OSBPL11: variants seen among roughly 807,000 people sequenced by gnomAD.
OSBPL11 encodes the protein oxysterol-binding protein-related protein 11.
Under a neutral mutation model 84.4 loss-of-function variants are expected in OSBPL11, and 33 were observed. The observed-to-expected ratio is 0.39, with a 90% CI of 0.30 to 0.52. The LOEUF (loss-of-function observed/expected upper bound fraction) is 0.52, where lower values mean the gene tolerates loss of function less well. Ranked by LOEUF, OSBPL11 falls within the 20% of genes least tolerant of loss-of-function variation. The pLI, the probability that OSBPL11 is intolerant of heterozygous loss-of-function variation, is 0.72. For synonymous variants in OSBPL11, 276 were observed against 310.2 expected (o/e 0.89, Z 1.16); for missense variants, 736 against 901.1 (o/e 0.82, Z 2.35).
chr3:125,537,833 GCTGTACCTTATTAA>G (rs1409563997), intron 11 of OSBPL11, among the ~76,000 whole-genome samples: 3 of 152,124 alleles, frequency 2.0e-5, no homozygotes, highest in African/African-American at 7.2e-5. Context: ...CATTTTGGAA[GCTGTACCTTATTAA>G]CACGTATAGA....
intron 5 of OSBPL11, among the ~76,000 whole-genome samples, chr3:125,572,357 A>G (rs1936255445): frequency 6.6e-6 from 1 of 152,160 alleles, no homozygotes; most frequent in South Asian, 2.1e-4. Context: ...AGTTAATGCT[A>G]AAATGCGTTA....
intron 8 of OSBPL11, among the ~76,000 whole-genome samples, chr3:125,559,443 C>T (rs35904776): frequency 0.068 from 10,324 of 152,204 alleles, 470 homozygotes; most frequent in Non-Finnish European, 0.098. Flanking sequence ...GACTGGAGCG[C>T]AGTGGCACAA....
At chr3:125,571,279 G>A (rs1252128256) in intron 5 of OSBPL11, among the ~76,000 whole-genome samples, 4 of 152,150 alleles carry the variant, frequency 2.6e-5, no homozygotes, top group Non-Finnish European at 4.4e-5. Flanking sequence ...AGGTAACTTG[G>A]GTGTTGTTAA....
intron 8 of OSBPL11, among the ~76,000 whole-genome samples, chr3:125,555,691 CTTT>C (rs927957323): frequency 6.8e-6 from 1 of 147,730 alleles, no homozygotes; most frequent in Non-Finnish European, 1.5e-5. Flanking sequence ...GAGATATTAT[CTTT>C]TTTTTTTTGA....
At chr3:125,542,432 T>C (rs1404362208) in intron 10 of OSBPL11, among the ~76,000 whole-genome samples, 1 of 151,516 alleles carries the variant, frequency 6.6e-6, no homozygotes, top group Non-Finnish European at 1.5e-5. Flanking sequence ...GCCTCCCAGG[T>C]TCAAGCGATA....
At chr3:125,556,461 C>T (rs527996410) in intron 8 of OSBPL11, among the ~76,000 whole-genome samples, 2 of 152,196 alleles carry the variant, frequency 1.3e-5, no homozygotes, top group Non-Finnish European at 2.9e-5. Flanking sequence ...AGGTAGGTCA[C>T]AGTTTGCTTT....
intron 10 of OSBPL11, among the ~76,000 whole-genome samples, chr3:125,546,017 A>G (rs1935807671): frequency 6.6e-6 from 1 of 151,926 alleles, no homozygotes; most frequent in South Asian, 2.1e-4. Flanking sequence ...AAGTTGGCTG[A>G]GCATGGCGGC....
chr3:125,533,917 C>T (rs898861601), intron 11 of OSBPL11, among the ~76,000 whole-genome samples: 1 of 152,124 alleles, frequency 6.6e-6, no homozygotes, highest in Non-Finnish European at 1.5e-5. Flanking sequence ...CTCATTTGAC[C>T]TGACGTTTAT....
At chr3:125,579,774 T>C (rs749139931) in intron 3 of OSBPL11, 91 bp downstream of exon 3, 20 of 1,152,386 alleles carry the variant, frequency 1.7e-5, no homozygotes, top group Non-Finnish European at 2.6e-5. Flanking sequence ...CAGCAGTTTC[T>C]ATTTCCAAAG....
rs79268240 is a variant in OSBPL11 at position 125,579,438 on chromosome 3, A to G, written c.410-399T>C. ...TCATTAAATAAAAAACTTCTACACA[A>G]ATTAAATTTATCTTAACAGAAGTTA... On this transcript the variant is annotated intron_variant, in intron 3 of 12. Transcript: ENST00000296220. 5.7e-3 allele frequency among the ~76,000 whole-genome samples: 865 copies of G among 152,322 alleles called. 7 individuals are homozygous for G. The highest frequency in any genetic ancestry group is 7.6e-3 in the Non-Finnish European group (520 of 68,040).
At chr3:125,579,368 C>G (rs1348717455) in intron 3 of OSBPL11, among the ~76,000 whole-genome samples, 1 of 152,178 alleles carries the variant, frequency 6.6e-6, no homozygotes, top group Non-Finnish European at 1.5e-5. Flanking sequence ...ACTTTCAGAT[C>G]TGCAGGAGCA....
intron 5 of OSBPL11, among the ~76,000 whole-genome samples, chr3:125,573,609 T>A (rs576999933): frequency 1.8e-4 from 27 of 152,148 alleles, no homozygotes; most frequent in Non-Finnish European, 3.1e-4. Flanking sequence ...ACGCCTGTAA[T>A]CCCAGCACTT....
chr3:125,561,321 T>G (rs1936075669), intron 7 of OSBPL11, among the ~76,000 whole-genome samples: 2 of 152,236 alleles, frequency 1.3e-5, no homozygotes, highest in Non-Finnish European at 2.9e-5. Flanking sequence ...TTATACACAT[T>G]TATAATCACA....
At chr3:125,576,454 A>T in intron 4 of OSBPL11, 89 bp from the exon 5 acceptor site, 1 of 969,512 alleles carries the variant, frequency 1.0e-6, no homozygotes, top group Non-Finnish European at 1.4e-6. Flanking sequence ...AGATTTACAC[A>T]TGAGCAGCGT....
intron 10 of OSBPL11, among the ~76,000 whole-genome samples, chr3:125,544,350 C>A (rs1935779252): frequency 6.6e-6 from 1 of 152,146 alleles, no homozygotes; most frequent in South Asian, 2.1e-4. Flanking sequence ...GCTACTGCAC[C>A]TGGCCAAGAA....
intron 5 of OSBPL11, among the ~76,000 whole-genome samples, chr3:125,568,180 G>A (rs770670833): frequency 3.5e-4 from 53 of 151,950 alleles, no homozygotes; most frequent in African/African-American, 4.8e-4. Flanking sequence ...AAGAGTAATC[G>A]CAGCACTTTG....
intron 11 of OSBPL11, among the ~76,000 whole-genome samples, chr3:125,533,884 G>C: frequency 6.6e-6 from 1 of 152,156 alleles, no homozygotes; most frequent in South Asian, 2.1e-4. Flanking sequence ...TAAGACTACA[G>C]AAGACTAGAA....
chr3:125,558,558 T>A (rs919831651), intron 8 of OSBPL11, among the ~76,000 whole-genome samples: 1 of 152,192 alleles, frequency 6.6e-6, no homozygotes, highest in South Asian at 2.1e-4. Flanking sequence ...TTCAATGGCA[T>A]CAAAAAAATC....
chr3:125,584,674 T>A (rs1170730155), intron 1 of OSBPL11, among the ~76,000 whole-genome samples: 1 of 152,224 alleles, frequency 6.6e-6, no homozygotes, highest in African/African-American at 2.4e-5. Context: ...AGACTGTATG[T>A]ATTCTTCAAA....
Sources: allele counts gnomAD v4.1 joint callset (sites outside exome capture counted in the v4.1 genomes callset), GRCh38; gene constraint gnomAD v4.1.1; transcripts MANE v1.5; gene names NCBI Gene and HGNC (gene_info 2026-07-23, HGNC 2026-07-21).